Variants in ZNF483 observed in about 807,000 individuals in gnomAD.
ZNF483 encodes the protein zinc finger protein HIT-10.
Under a neutral mutation model 28.6 loss-of-function variants are expected in ZNF483, and 9 were observed. The observed-to-expected ratio is 0.32, with a 90% CI of 0.19 to 0.55. The LOEUF (loss-of-function observed/expected upper bound fraction) is 0.55. Among genes scored for constraint, ZNF483 ranks in the 20% least tolerant of loss-of-function variants. ZNF483 has a pLI of 0.93. For missense variants in ZNF483, 675 were observed against 871.7 expected, an observed-to-expected ratio of 0.77 and a Z score of 2.84; for synonymous variants, 322 against 306.2, an observed-to-expected ratio of 1.05 and a Z score of -0.54.
rs1827815319 is a variant in ZNF483 at position 111,546,675 on chromosome 9, G to A, written c.*3505G>A. Reference sequence around the variant, plus strand: ...TATTTTAGAATTATTTTTTAATGTAGTAAGATACATATAGCTTAAAATGAA... The same window carrying A: ...TATTTTAGAATTATTTTTTAATGTAATAAGATACATATAGCTTAAAATGAA... On this transcript the variant is annotated 3_prime_UTR_variant, in exon 6 of 6. Coordinates refer to ENST00000309235, the MANE Select transcript of ZNF483 (RefSeq NM_133464.5). Among the ~76,000 whole-genome samples the A allele has an allele frequency of 6.6e-6, 1 of 152,086 alleles. No homozygotes were observed. The highest frequency in any genetic ancestry group is 1.9e-4 in the East Asian group (1 of 5,194).
rs77217057 is a variant in ZNF483, at chr9:111,551,396, T to G, written c.*8226T>G. ...CCAATAACTGAATCAAGTATCCAGT[T>G]TTTGTTTTTTTTTTTTTTTTTTTTT... On this transcript the variant is annotated 3_prime_UTR_variant, in exon 6 of 6. Transcript: ENST00000309235. Among the ~76,000 whole-genome samples the G allele has an allele frequency of 8.4e-3, 1,096 of 131,164 alleles. 18 individuals carry two copies. The highest frequency in any genetic ancestry group is 0.032 in the African/African-American group (1,027 of 32,472). 86.0% of individuals were successfully genotyped at this position (131,164 alleles called of 152,430 possible).
Position 111,550,502 on chromosome 9 carries a change from T to C in ZNF483, c.*7332T>C, listed in dbSNP as rs970511391. On this transcript the variant is annotated 3_prime_UTR_variant, in exon 6 of 6. Transcript: ENST00000309235. ...GGGTAGCTGCTACTTCACTGAAGGC[T>C]GAAATCCACCAATGTTAACTGCAAT... Among the ~76,000 whole-genome samples the C allele has an allele frequency of 3.3e-5, 5 of 152,208 alleles. No individual in the cohort carries two copies. Among genetic ancestry groups the C allele is most frequent in the Admixed American group, 2.6e-4 (4 of 15,276 alleles).
At chr9:111,527,057 G>C (rs1045410914) in intron 1 of ZNF483, among the ~76,000 whole-genome samples, 1 of 151,658 alleles carries the variant, frequency 6.6e-6, no homozygotes, top group Non-Finnish European at 1.5e-5. Flanking sequence ...AGCCGAGATC[G>C]CACCACTTCA....
rs114016088 is a variant in ZNF483, at chr9:111,553,810, C to G, written c.*10640C>G. On this transcript the variant is annotated 3_prime_UTR_variant, in exon 6 of 6. Transcript: ENST00000309235. ...TCCATTTCTCACTAGCCTCAAGTGA[C>G]TACCATATTAAGTTGCTCTACGCAA... Among the ~76,000 whole-genome samples, 304 of 152,318 alleles carry G rather than the reference C, an allele frequency of 2.0e-3. 1 individual carries two copies. Among genetic ancestry groups the G allele is most frequent in the African/African-American group, 7.0e-3 (291 of 41,564 alleles).
chr9:111,559,598 TCACA>T (rs1037774997), downstream of ZNF483, among the ~76,000 whole-genome samples: 3 of 149,934 alleles, frequency 2.0e-5, no homozygotes, highest in Admixed American at 6.6e-5. Context: ...ACACACACAC[TCACA>T]CACACACATA....
At chr9:111,528,072 G>A (rs1827225151) in intron 2 of ZNF483, 1 of 1,360,132 alleles carries the variant, frequency 7.4e-7, no homozygotes, top group South Asian at 1.6e-5. Flanking sequence ...TATAATATAT[G>A]GTGGATGCTC....
chr9:111,561,148 G>GAAGAGAGA (rs1267075709), intron 5 of ZNF483, among the ~76,000 whole-genome samples: 7 of 34,846 alleles, frequency 2.0e-4, no homozygotes, highest in East Asian at 1.0e-3. Context: ...GGAGAGAGAG[G>GAAGAGAGA]GAGAGAGAGA....
chr9:111,542,368 A>G lies in ZNF483; in HGVS notation c.1433A>G (p.Asp478Gly), dbSNP rs1039647000. The stretch of plus-strand genomic sequence containing the variant: ...AATGAATGTGGAAAAGCTTTTAGTG[A>G]TAGTTCATCGCTCACACCACATCAT... ...MCNECGKAFS[D>G]SSSLTPHHRT... Residue 478 changes from aspartate to glycine, a missense_variant, in exon 6 of 6, where the codon GAT becomes GGT. Physicochemically the swap from Asp to Gly is moderately conservative, Grantham distance 94. Coordinates refer to ENST00000309235, the MANE Select transcript of ZNF483 (RefSeq NM_133464.5). The surrounding 1 kb of genome is among the most constrained non-coding windows in gnomAD (Gnocchi z 6.2). The G allele has an allele frequency of 2.5e-6, 4 of 1,614,026 alleles. No individual in the cohort carries two copies. Among genetic ancestry groups the G allele is most frequent in the Admixed American group, 3.3e-5 (2 of 59,992 alleles).
rs1475230752 is a variant in ZNF483 at position 111,555,231 on chromosome 9, C to T, written c.*12061C>T. On this transcript the variant is annotated 3_prime_UTR_variant, in exon 6 of 6. Transcript: ENST00000309235. ...AGTTCTATTTGGCAAAAGATAATGC[C>T]TCTCATTTCCTGTGGGAATTGTGGT... Among the ~76,000 whole-genome samples the T allele has an allele frequency of 2.6e-5, 4 of 152,128 alleles. No individual in the cohort carries two copies. The highest frequency in any genetic ancestry group is 4.8e-5 in the African/African-American group (2 of 41,396).
Position 111,544,326 on chromosome 9 carries a change from C to G in ZNF483, c.*1156C>G. The G allele has an allele frequency of 2.0e-6, 2 of 983,170 alleles. No individual in the cohort carries two copies. The highest frequency in any genetic ancestry group is 2.4e-6 in the Non-Finnish European group (2 of 829,744). The allele number at this position is 983,170 out of a possible 1,614,324, so 60.9% of individuals were successfully genotyped here. Reference sequence around the variant, plus strand: ...TGGCAACAGTTAAAAGCTGTTATAACAATTTGCTTGGGTGTGTGTGCATGT... The same window carrying G: ...TGGCAACAGTTAAAAGCTGTTATAAGAATTTGCTTGGGTGTGTGTGCATGT... On this transcript the variant is annotated 3_prime_UTR_variant, in exon 6 of 6. Transcript: ENST00000309235.
Position 111,541,688 on chromosome 9 carries a change from G to T in ZNF483, c.753G>T (p.Arg251Ser), listed in dbSNP as rs756197063. 8 of 1,609,116 alleles carry T rather than the reference G, an allele frequency of 5.0e-6. No individual in the cohort carries two copies. The Admixed American group carries it at 6.8e-5, about 14-fold the overall frequency. ...CAGCTTTAGATAAAATAATAGAAAG[G>T]TGCCTCAGGGATGATGATCATGGCT... The part of the protein sequence containing the change: ...DESALDKIIE[R>S]CLRDDDHGLM... The change falls in exon 6 of 6, where the codon AGG becomes AGT. Residue 251 changes from arginine (R) to serine (S), a missense_variant. Physicochemically the swap from Arg to Ser is moderately radical, Grantham distance 110 (BLOSUM62 -1). Transcript: ENST00000309235.
chr9:111,568,347 A>G (rs2132339069), intron 5 of ZNF483, among the ~76,000 whole-genome samples: 1 of 152,238 alleles, frequency 6.6e-6, no homozygotes, highest in South Asian at 2.1e-4. Flanking sequence ...AAGCACTGAA[A>G]TACGCCCTGA....
At chr9:111,530,770 T>TATATATATAC (rs1827310806) in intron 2 of ZNF483, 105 bp from the exon 3 acceptor site, 1 of 35,452 alleles carries the variant, frequency 2.8e-5, no homozygotes, top group African/African-American at 2.5e-4. Flanking sequence ...TATATATATA[T>TATATATATAC]ATATATATAT....
At chr9:111,538,501 A>C (rs1299848738) in intron 5 of ZNF483, among the ~76,000 whole-genome samples, 3 of 151,874 alleles carry the variant, frequency 2.0e-5, no homozygotes, top group Non-Finnish European at 4.4e-5. Flanking sequence ...TAGAAAAAAA[A>C]AAAAACCACC....
chr9:111,557,054 C>A (rs1169992893), downstream of ZNF483, among the ~76,000 whole-genome samples: 2 of 152,240 alleles, frequency 1.3e-5, no homozygotes, highest in African/African-American at 4.8e-5. Flanking sequence ...CCGCGAAGAT[C>A]TCTGAAATGC....
At chr9:111,578,048 A>G (rs1473590023), downstream of ZNF483, among the ~76,000 whole-genome samples, 3 of 152,110 alleles carry the variant, frequency 2.0e-5, no homozygotes, top group African/African-American at 4.8e-5. Context: ...AATTTTGCCA[A>G]TATAGTAAAA....
Position 111,542,039 on chromosome 9 carries a change from G to T in ZNF483, c.1104G>T (p.Leu368=). 6.2e-7 allele frequency: 1 copy of T among 1,614,114 alleles called. No individual in the cohort carries two copies. ...AATCTAATGATGGTGGGAAAGTCCT[G>T]AGTCACTCTTCAGCTCTTACTGAAC... is the stretch of plus-strand genomic sequence containing the variant. ...SRKSNDGGKV[L]SHSSALTEHQ... is the part of the protein sequence containing the mutation. Residue 368 remains leucine (L), a synonymous_variant, in exon 6 of 6, where the codon CTG becomes CTT. Transcript: ENST00000309235. The surrounding 1 kb of genome is among the most constrained non-coding windows in gnomAD (Gnocchi z 6.2).
chr9:111,536,019 G>A (rs1003334795), intron 5 of ZNF483, among the ~76,000 whole-genome samples: 2 of 150,050 alleles, frequency 1.3e-5, no homozygotes, highest in Non-Finnish European at 3.0e-5. Context: ...CTCCCAACTA[G>A]CTGGGACTAT....
chr9:111,570,648 G>A lies in ZNF483; in HGVS notation c.722-5717G>A, dbSNP rs538692831. Among the ~76,000 whole-genome samples the A allele has an allele frequency of 5.7e-4, 87 of 151,746 alleles. No homozygotes were observed. The South Asian group carries it at 8.0e-3, about 14-fold the overall frequency. On this transcript the variant is annotated intron_variant, in intron 5 of 5. Coordinates refer to the ZNF483 transcript ENST00000358151. ...AAAAAAATTAGCTGGGCATGGTGGC[G>A]GGTGCCTATAGTCCCAGCTACTTGG...
Sources: gnomAD v4.1 joint callset for allele counts (sites outside exome capture counted in the v4.1 genomes callset) on GRCh38, gnomAD v4.1.1 for gene constraint, Gnocchi (gnomAD v3.1) non-coding constraint, MANE v1.5 for transcripts, NCBI Gene and HGNC (gene_info 2026-07-23, HGNC 2026-07-21) for gene names.